The following MINDY4 variants were observed in gnomAD, a reference collection of about 807,000 sequenced individuals.
MINDY4 encodes MINDY lysine 48 deubiquitinase 4.
In MINDY4, 68 loss-of-function variants were observed where a neutral mutation model predicts 87.0. The ratio of observed to expected loss-of-function variants is 0.78; its 90% CI spans 0.64 to 0.96. The LOEUF (loss-of-function observed/expected upper bound fraction) is 0.96. Ranked by LOEUF, MINDY4 falls within the 40% of genes least tolerant of loss-of-function variation. The pLI, the probability that MINDY4 is intolerant of heterozygous loss-of-function variation, is 0.00. For synonymous variants in MINDY4, 379 were observed against 363.2 expected (o/e 1.04, Z -0.50); for missense variants, 919 against 928.2 (o/e 0.99, Z 0.13).
chr7:30,822,657 A>G (rs1788376629), intron 5 of MINDY4, among the ~76,000 whole-genome samples: 1 of 78,316 alleles, frequency 1.3e-5, no homozygotes. Context: ...ATTTATTTTC[A>G]GACAAGGTTT....
intron 14 of MINDY4, among the ~76,000 whole-genome samples, chr7:30,873,814 A>G (rs1790179628): frequency 6.6e-6 from 1 of 152,210 alleles, no homozygotes. Flanking sequence ...TGCCTGAAAA[A>G]GGCTGTGCCT....
chr7:30,807,563 C>T (rs1341403775), intron 5 of MINDY4, among the ~76,000 whole-genome samples: 1 of 152,040 alleles, frequency 6.6e-6, no homozygotes, highest in Non-Finnish European at 1.5e-5. Context: ...GTCTTATGCC[C>T]AATTTCTGCC....
At chr7:30,797,808 G>GTA (rs1787536106) in intron 5 of MINDY4, among the ~76,000 whole-genome samples, 1 of 152,166 alleles carries the variant, frequency 6.6e-6, no homozygotes, top group Non-Finnish European at 1.5e-5. Flanking sequence ...AGACCAGTTA[G>GTA]GCAACTGCAG....
At chr7:30,869,277 T>A (rs1430466489) in intron 13 of MINDY4, among the ~76,000 whole-genome samples, 1 of 152,212 alleles carries the variant, frequency 6.6e-6, no homozygotes, top group Non-Finnish European at 1.5e-5. Context: ...ATGCTGCATG[T>A]TCTTGGAGAT....
intron 6 of MINDY4, among the ~76,000 whole-genome samples, chr7:30,835,870 C>T (rs1346152338): frequency 6.6e-6 from 1 of 152,240 alleles, no homozygotes; most frequent in Non-Finnish European, 1.5e-5. Flanking sequence ...GACAAGGGGG[C>T]CTTAGCTAAC....
chr7:30,781,952 A>T lies in MINDY4; in HGVS notation c.184-25A>T, dbSNP rs56106939. On this transcript the variant is annotated intron_variant, in intron 2 of 17. Transcript: ENST00000265299. ...CCCTGAAGCTGTATATAAATTAATG[A>T]TTTTTTTTTCTCTCCCAATGATAGG... The T allele has an allele frequency of 7.8e-5, 118 of 1,508,340 alleles. No homozygotes were observed. The African/African-American group carries it at 1.5e-3, about 20-fold the overall frequency. The allele number at this position is 1,508,340 out of a possible 1,614,324, so 93.4% of individuals were successfully genotyped here. A position where few individuals can be genotyped will look rare whatever the true frequency, so the allele number is the denominator to read the frequency against.
chr7:30,867,114 G>A (rs1293994538), intron 13 of MINDY4, among the ~76,000 whole-genome samples: 1 of 152,184 alleles, frequency 6.6e-6, no homozygotes, highest in Non-Finnish European at 1.5e-5. Context: ...CTCAGAAATG[G>A]AAAGCGATTT....
intron 5 of MINDY4, among the ~76,000 whole-genome samples, chr7:30,806,815 C>T (rs376741776): frequency 3.7e-4 from 56 of 152,338 alleles, no homozygotes; most frequent in African/African-American, 1.3e-3. Flanking sequence ...ACCCTCTTCT[C>T]TTCTAGAAGG....
At chr7:30,793,321 A>G (rs914950234) in intron 5 of MINDY4, among the ~76,000 whole-genome samples, 1 of 150,578 alleles carries the variant, frequency 6.6e-6, no homozygotes, top group African/African-American at 2.4e-5. Flanking sequence ...TATGGCATTT[A>G]TATTTTCTTT....
chr7:30,829,012 G>C (rs890609197), intron 6 of MINDY4, among the ~76,000 whole-genome samples: 2 of 152,160 alleles, frequency 1.3e-5, no homozygotes, highest in Non-Finnish European at 2.9e-5. Flanking sequence ...TATTTTTTTA[G>C]GGCCATTCAG....
At chr7:30,803,313 A>G (rs995743477) in intron 5 of MINDY4, 3 of 152,184 alleles carry the variant, frequency 2.0e-5, no homozygotes, top group African/African-American at 7.2e-5. Context: ...AATTATTCCA[A>G]TAAATAAGAA....
intron 13 of MINDY4, 130 bp from the exon 14 acceptor site, chr7:30,872,113 G>A (rs752851318): frequency 5.6e-5 from 46 of 824,598 alleles, no homozygotes; most frequent in African/African-American, 1.0e-4. Flanking sequence ...AGAACAGAGC[G>A]CTCAGGTTCC....
rs114473008 is a variant in MINDY4, at chr7:30,854,988, C to T, written c.1677+1529C>T. On this transcript the variant is annotated intron_variant, in intron 12 of 17. Transcript: ENST00000265299. ...GGCGCATGGGAGAAGGAGTGCTGGC[C>T]GGGGCATCGGGAGCCCCAGGCTGTC... Among the ~76,000 whole-genome samples the T allele has an allele frequency of 8.7e-3, 1,326 of 152,338 alleles. 20 individuals are homozygous for T. The highest frequency in any genetic ancestry group is 0.03 in the African/African-American group (1,255 of 41,574).
At chr7:30,857,115 T>C (rs1202979731) in intron 12 of MINDY4, among the ~76,000 whole-genome samples, 1 of 152,212 alleles carries the variant, frequency 6.6e-6, no homozygotes, top group African/African-American at 2.4e-5. Flanking sequence ...TGGAAGTTGC[T>C]TTGAAAAGTA....
Position 30,882,938 on chromosome 7 carries a change from T to C in MINDY4, c.2170T>C (p.Ser724Pro). The change falls in exon 17 of 18, where the codon TCT becomes CCT. Residue 724 changes from serine to proline, a missense_variant. Ser to Pro is a moderately conservative substitution (Grantham distance 74). Transcript: ENST00000265299. The part of the protein sequence containing the change: ...RLTIDTTQTI[S>P]EDTDNDLVPP... The stretch of plus-strand genomic sequence containing the variant: ...CTTCCCAGACACCACCCAAACCATC[T>C]CTGAGGACACAGACAACGACCTTGT... 1.2e-6 allele frequency: 2 copies of C among 1,613,900 alleles called. No individual in the cohort carries two copies. The highest frequency in any genetic ancestry group is 1.7e-6 in the Non-Finnish European group (2 of 1,179,914).
intron 12 of MINDY4, 45 bp from the exon 13 acceptor site, chr7:30,859,212 G>C: frequency 6.4e-7 from 1 of 1,567,902 alleles, no homozygotes; most frequent in Non-Finnish European, 8.8e-7. Context: ...CTGGGAAGAG[G>C]GAGGTGCAAA....
chr7:30,821,252 A>T (rs1788319270), intron 5 of MINDY4, among the ~76,000 whole-genome samples: 1 of 152,006 alleles, frequency 6.6e-6, no homozygotes, highest in Non-Finnish European at 1.5e-5. Context: ...ATGCTTGCCG[A>T]TTTCTTTTCT....
At chr7:30,876,096 G>C (rs1182231501) in intron 15 of MINDY4, among the ~76,000 whole-genome samples, 2 of 152,092 alleles carry the variant, frequency 1.3e-5, no homozygotes, top group African/African-American at 4.8e-5. Context: ...GGAAGTCCAA[G>C]ATCAAGGTGT....
intron 6 of MINDY4, 61 bp from the exon 7 acceptor site, chr7:30,836,597 T>G: frequency 7.4e-7 from 1 of 1,355,634 alleles, no homozygotes; most frequent in Non-Finnish European, 1.1e-6. Flanking sequence ...GTTCAGTGAC[T>G]TCATGTTCTG....
Sources: allele counts gnomAD v4.1 joint callset (sites outside exome capture counted in the v4.1 genomes callset), GRCh38; gene constraint gnomAD v4.1.1; transcripts MANE v1.5; gene names NCBI Gene and HGNC (gene_info 2026-07-23, HGNC 2026-07-21).